Variants in CLSTN2 observed in about 807,000 individuals in gnomAD.
The protein encoded by CLSTN2 is calsyntenin 2.
A neutral mutation model predicts 101.2 loss-of-function variants in CLSTN2; 48 were observed. That is an observed-to-expected ratio of 0.47 (90% CI 0.38 to 0.60). The LOEUF (loss-of-function observed/expected upper bound fraction) is 0.60, where lower values mean the gene tolerates loss of function less well. Among genes scored for constraint, CLSTN2 ranks in the 20% least tolerant of loss-of-function variants. The pLI, the probability that CLSTN2 is intolerant of heterozygous loss-of-function variation, is 0.00. For missense variants in CLSTN2, 1,160 were observed against 1,238.2 expected (o/e 0.94, Z 0.95); for synonymous variants, 481 against 463.6 (o/e 1.04, Z -0.48).
intron 2 of CLSTN2, among the ~76,000 whole-genome samples, chr3:140,394,284 T>C (rs1332039616): frequency 6.6e-6 from 1 of 152,208 alleles, no homozygotes; most frequent in South Asian, 2.1e-4. Flanking sequence ...ATTTTCAAAT[T>C]TATCAAGATG....
chr3:140,062,835 C>A (rs1022405897), intron 1 of CLSTN2, among the ~76,000 whole-genome samples: 2 of 152,144 alleles, frequency 1.3e-5, no homozygotes, highest in South Asian at 2.1e-4. Flanking sequence ...TTCTTAAACA[C>A]CCTGGTTTTT....
At chr3:140,153,013 C>A in intron 1 of CLSTN2, among the ~76,000 whole-genome samples, 1 of 152,162 alleles carries the variant, frequency 6.6e-6, no homozygotes, top group Non-Finnish European at 1.5e-5. Context: ...AGCTTGGGTG[C>A]CTTCCTGGTT....
chr3:139,936,707 C>T (rs566927963), intron 1 of CLSTN2, among the ~76,000 whole-genome samples: 1 of 152,274 alleles, frequency 6.6e-6, no homozygotes, highest in South Asian at 2.1e-4. Context: ...GCAGGCAGTT[C>T]GCCTTGTCTG....
intron 2 of CLSTN2, among the ~76,000 whole-genome samples, chr3:140,352,690 T>C (rs2087622394): frequency 1.3e-5 from 2 of 152,236 alleles, no homozygotes; most frequent in African/African-American, 4.8e-5. Flanking sequence ...CCTGTCAGCA[T>C]GTCCTGTGCT....
chr3:140,493,556 A>G (rs566498928), intron 8 of CLSTN2, among the ~76,000 whole-genome samples: 1 of 152,336 alleles, frequency 6.6e-6, no homozygotes, highest in East Asian at 1.9e-4. Flanking sequence ...GGCATGAACC[A>G]GGTTCTGTGG....
At chr3:140,298,863 G>A (rs567390893) in intron 2 of CLSTN2, among the ~76,000 whole-genome samples, 1 of 152,290 alleles carries the variant, frequency 6.6e-6, no homozygotes, top group African/African-American at 2.4e-5. Context: ...ACCTTGAAGA[G>A]GCAAGGAAGG....
At chr3:140,418,992 A>G (rs1210747945) in intron 4 of CLSTN2, among the ~76,000 whole-genome samples, 1 of 151,606 alleles carries the variant, frequency 6.6e-6, no homozygotes, top group Admixed American at 6.6e-5. Context: ...CCTGGGTACC[A>G]ATACTCTTTC....
chr3:140,480,790 G>A (rs959048731), intron 8 of CLSTN2, among the ~76,000 whole-genome samples: 1 of 152,176 alleles, frequency 6.6e-6, no homozygotes, highest in Non-Finnish European at 1.5e-5. Flanking sequence ...TGTTGATGGG[G>A]TTGTTTGTTT....
chr3:140,503,075 A>C (rs1225948054), intron 8 of CLSTN2, among the ~76,000 whole-genome samples: 1 of 152,142 alleles, frequency 6.6e-6, no homozygotes, highest in African/African-American at 2.4e-5. Context: ...CAGCCACTGC[A>C]TTATTCAACC....
At chr3:140,485,598 C>T (rs984418887) in intron 8 of CLSTN2, among the ~76,000 whole-genome samples, 9 of 152,334 alleles carry the variant, frequency 5.9e-5, no homozygotes, top group African/African-American at 2.2e-4. Context: ...CTGCAGTGGG[C>T]TCCACCCAGT....
rs551160807 is a variant in CLSTN2 at position 140,155,576 on chromosome 3, T to C, written c.110-20375T>C. 6.6e-5 allele frequency among the ~76,000 whole-genome samples: 10 copies of C among 152,354 alleles called. No individual in the cohort carries two copies. The South Asian group carries it at 1.0e-3, about 16-fold the overall frequency. ...AGAAAAGAGCAGGTTACTCAGATTC[T>C]AAGGCAGAACATCTTGTCTTGGCTG... On this transcript the variant is annotated intron_variant, in intron 1 of 16. Coordinates refer to ENST00000458420, the MANE Select transcript of CLSTN2 (RefSeq NM_022131.3).
At chr3:140,520,965 A>C (rs1274959965) in intron 8 of CLSTN2, among the ~76,000 whole-genome samples, 1 of 151,428 alleles carries the variant, frequency 6.6e-6, no homozygotes, top group East Asian at 1.9e-4. Context: ...TCATGATTGC[A>C]CTGTGAATGT....
At chr3:140,229,130 G>A (rs2086349506) in intron 2 of CLSTN2, among the ~76,000 whole-genome samples, 1 of 152,112 alleles carries the variant, frequency 6.6e-6, no homozygotes, top group African/African-American at 2.4e-5. Flanking sequence ...AGATCCATGA[G>A]CATAAGCATG....
At chr3:140,231,625 T>G (rs902501561) in intron 2 of CLSTN2, among the ~76,000 whole-genome samples, 15 of 152,178 alleles carry the variant, frequency 9.9e-5, no homozygotes, top group African/African-American at 3.4e-4. Context: ...AGTTCAAGTC[T>G]CCTCTATGAT....
At chr3:140,021,525 G>C (rs552811466) in intron 1 of CLSTN2, among the ~76,000 whole-genome samples, 8 of 152,068 alleles carry the variant, frequency 5.3e-5, no homozygotes, top group Non-Finnish European at 1.2e-4. Context: ...TAGAACCACC[G>C]GTGTGTACCT....
intron 1 of CLSTN2, among the ~76,000 whole-genome samples, chr3:139,952,044 C>G (rs1311630515): frequency 6.6e-6 from 1 of 152,096 alleles, no homozygotes; most frequent in Non-Finnish European, 1.5e-5. Context: ...AGAGTTTCAG[C>G]AACTTTGAGA....
At chr3:140,074,823 C>CAA (rs1478830695) in intron 1 of CLSTN2, among the ~76,000 whole-genome samples, 1 of 152,192 alleles carries the variant, frequency 6.6e-6, no homozygotes, top group East Asian at 1.9e-4. Context: ...AAAAGTTCTC[C>CAA]TTGTGGGATC....
rs574911626 is a variant in CLSTN2 at position 139,988,287 on chromosome 3, G to GA, written c.109+52807dup. ...TTTAAATTTCATACATTAAAAACAA[G>GA]AAACAAGGGGGAAAAACAGGCAAAT... On this transcript the variant is annotated intron_variant, in intron 1 of 16. Transcript: ENST00000458420. 3.5e-3 allele frequency among the ~76,000 whole-genome samples: 532 copies of GA among 152,196 alleles called. 3 individuals are homozygous for GA. Among genetic ancestry groups the GA allele is most frequent in the African/African-American group, 0.011 (474 of 41,542 alleles).
At chr3:140,355,566 T>C (rs2087661539) in intron 2 of CLSTN2, among the ~76,000 whole-genome samples, 1 of 152,112 alleles carries the variant, frequency 6.6e-6, no homozygotes, top group Non-Finnish European at 1.5e-5. Context: ...ATTTCAGGGA[T>C]GAAGGGTTAG....
Sources: gnomAD v4.1 joint callset for allele counts (sites outside exome capture counted in the v4.1 genomes callset) on GRCh38, gnomAD v4.1.1 for gene constraint, MANE v1.5 for transcripts, NCBI Gene and HGNC (gene_info 2026-07-23, HGNC 2026-07-21) for gene names.